The following PTPRD variants were observed in gnomAD, a reference collection of about 807,000 sequenced individuals.
PTPRD encodes the protein receptor-type tyrosine-protein phosphatase delta.
Under a neutral mutation model 214.5 loss-of-function variants are expected in PTPRD, and 34 were observed. The ratio of observed to expected loss-of-function variants is 0.16; its 90% confidence interval spans 0.12 to 0.21. The LOEUF (loss-of-function observed/expected upper bound fraction) is 0.21, where lower values mean the gene tolerates loss of function less well. Ranked by LOEUF, PTPRD falls within the 10% of genes least tolerant of loss-of-function variation. The pLI, the probability that PTPRD is intolerant of heterozygous loss-of-function variation, is 1.00. For synonymous variants in PTPRD, 1,128 were observed against 845.7 expected, an observed-to-expected ratio of 1.33 and a Z score of -5.79; for missense variants, 2,545 against 2,398.7, an observed-to-expected ratio of 1.06 and a Z score of -1.27.
Position 8,948,543 on chromosome 9 carries a change from T to TTATATATATTTA in PTPRD, c.-104+70142_-104+70153dup, listed in dbSNP as rs1567184856. Among the ~76,000 whole-genome samples the TTATATATATTTA allele has an allele frequency of 6.4e-5, 2 of 31,170 alleles. 1 individual carries two copies. Among genetic ancestry groups the TTATATATATTTA allele is most frequent in the Non-Finnish European group, 1.5e-4 (2 of 13,410 alleles). The allele number at this position is 31,170 out of a possible 152,430, so 20.4% of individuals were successfully genotyped here. A position where few individuals can be genotyped will look rare whatever the true frequency, so the allele number is the denominator to read the frequency against. ...TTTATATATATATTTATATATATAT[T>TTATATATATTTA]TATATATATTTATATATATTTATAT... is the stretch of plus-strand genomic sequence containing the variant. On this transcript the variant is annotated intron_variant, in intron 11 of 45. Transcript: ENST00000381196.
At chr9:10,420,573 T>C (rs1209082065) in intron 2 of PTPRD, among the ~76,000 whole-genome samples, 5 of 151,794 alleles carry the variant, frequency 3.3e-5, no homozygotes, top group African/African-American at 1.2e-4. Context: ...CTGAAGCAGA[T>C]TAAAGGGCCA....
At chr9:10,422,294 A>C (rs909877434) in intron 2 of PTPRD, among the ~76,000 whole-genome samples, 2 of 152,012 alleles carry the variant, frequency 1.3e-5, no homozygotes, top group Admixed American at 6.6e-5. Context: ...CTTGTAACTT[A>C]TACAAAAATT....
At chr9:9,974,801 T>C (rs1419409010) in intron 4 of PTPRD, among the ~76,000 whole-genome samples, 2 of 152,188 alleles carry the variant, frequency 1.3e-5, no homozygotes, top group Non-Finnish European at 2.9e-5. Flanking sequence ...AAATATTTGT[T>C]GACACAGTAA....
chr9:8,684,751 GTTTTGA>G (rs1425414372), intron 12 of PTPRD, among the ~76,000 whole-genome samples: 4 of 152,134 alleles, frequency 2.6e-5, no homozygotes, highest in Non-Finnish European at 2.9e-5. Flanking sequence ...TGCCTGCTGT[GTTTTGA>G]TTTTAAGGGT....
At chr9:10,456,721 C>G (rs112448105) in intron 2 of PTPRD, among the ~76,000 whole-genome samples, 1,976 of 151,972 alleles carry the variant, frequency 0.013, 42 homozygotes, top group African/African-American at 0.045. Flanking sequence ...CCATCTCTTA[C>G]AGGCAATGCA....
chr9:9,699,160 G>A (rs1203709869), intron 7 of PTPRD, among the ~76,000 whole-genome samples: 1 of 151,936 alleles, frequency 6.6e-6, no homozygotes, highest in Admixed American at 6.6e-5. Flanking sequence ...TGGTTATCAT[G>A]GTAACAATAA....
chr9:8,671,785 G>A (rs1446440003), intron 12 of PTPRD, among the ~76,000 whole-genome samples: 1 of 152,210 alleles, frequency 6.6e-6, no homozygotes, highest in Non-Finnish European at 1.5e-5. Context: ...AACACGCCGC[G>A]TGCCTTTCTT....
intron 33 of PTPRD, among the ~76,000 whole-genome samples, chr9:8,453,648 T>C (rs1320462578): frequency 2.0e-5 from 3 of 152,208 alleles, no homozygotes; most frequent in African/African-American, 7.2e-5. Context: ...CTGACCAACA[T>C]AAAGTGATTT....
intron 39 of PTPRD, among the ~76,000 whole-genome samples, chr9:8,353,006 G>A (rs2075938031): frequency 6.6e-6 from 1 of 152,094 alleles, no homozygotes; most frequent in Non-Finnish European, 1.5e-5. Context: ...AGCTACTAGG[G>A]AGGCTGAGAC....
At chr9:9,626,091 C>A (rs2095417357) in intron 7 of PTPRD, among the ~76,000 whole-genome samples, 2 of 152,144 alleles carry the variant, frequency 1.3e-5, no homozygotes, top group South Asian at 4.1e-4. Flanking sequence ...TGAATTAGGT[C>A]TACGAGCCAC....
intron 4 of PTPRD, among the ~76,000 whole-genome samples, chr9:9,984,526 G>A (rs1394149539): frequency 6.6e-6 from 1 of 152,134 alleles, no homozygotes; most frequent in Non-Finnish European, 1.5e-5. Context: ...GGACGCAGGT[G>A]AGCCACAACT....
chr9:9,454,007 A>C (rs1222013960), intron 8 of PTPRD, among the ~76,000 whole-genome samples: 2 of 151,778 alleles, frequency 1.3e-5, no homozygotes, highest in Admixed American at 1.3e-4. Flanking sequence ...TTTTCTTTAA[A>C]ATTTCAGTTA....
chr9:10,389,877 C>T (rs2098019242), intron 2 of PTPRD, among the ~76,000 whole-genome samples: 1 of 151,674 alleles, frequency 6.6e-6, no homozygotes, highest in African/African-American at 2.4e-5. Flanking sequence ...TTTGAAGGCA[C>T]CTTTAGAAGT....
chr9:10,544,504 C>G (rs954804073), intron 2 of PTPRD, among the ~76,000 whole-genome samples: 8 of 152,040 alleles, frequency 5.3e-5, no homozygotes, highest in Non-Finnish European at 1.2e-4. Context: ...TTAAATGTCT[C>G]TCAATAATGG....
At chr9:10,292,169 C>T (rs1391804508) in intron 3 of PTPRD, among the ~76,000 whole-genome samples, 2 of 152,070 alleles carry the variant, frequency 1.3e-5, no homozygotes, top group Non-Finnish European at 2.9e-5. Context: ...AAAGACAGCA[C>T]ATTTTCAATT....
intron 39 of PTPRD, among the ~76,000 whole-genome samples, chr9:8,373,615 GTGTGTGTGTGTGT>G (rs1564364228): frequency 2.3e-3 from 73 of 31,358 alleles, no homozygotes; most frequent in South Asian, 4.5e-3. Context: ...GGATGCGGGT[GTGTGTGTGTGTGT>G]GTGTGTGTGT....
At chr9:9,549,528 G>T (rs2154280751) in intron 8 of PTPRD, among the ~76,000 whole-genome samples, 1 of 152,186 alleles carries the variant, frequency 6.6e-6, no homozygotes, top group East Asian at 1.9e-4. Context: ...CTCATTAACT[G>T]CTGGTGAAGA....
chr9:9,982,392 T>G (rs1440144082), intron 4 of PTPRD, among the ~76,000 whole-genome samples: 2 of 152,074 alleles, frequency 1.3e-5, no homozygotes, highest in African/African-American at 2.4e-5. Context: ...GCTATACAAA[T>G]TATTTGTCAG....
At chr9:9,516,816 G>A (rs1295160531) in intron 8 of PTPRD, among the ~76,000 whole-genome samples, 4 of 149,860 alleles carry the variant, frequency 2.7e-5, no homozygotes, top group South Asian at 2.1e-4. Context: ...GATTACAGGT[G>A]TGAGCCACCA....
Sources: allele counts gnomAD v4.1 joint callset (sites outside exome capture counted in the v4.1 genomes callset), GRCh38; gene constraint gnomAD v4.1.1; transcripts MANE v1.5; gene names NCBI Gene and HGNC (gene_info 2026-07-23, HGNC 2026-07-21).